PIP5K1C: variants seen among roughly 807,000 people sequenced by gnomAD.
PIP5K1C encodes phosphatidylinositol 4-phosphate 5-kinase type-1 gamma.
PIP5K1C carries 45 observed loss-of-function variants against 80.1 expected under a neutral mutation model. That is an observed-to-expected ratio of 0.56 (90% CI 0.44 to 0.72). PIP5K1C has a LOEUF of 0.72. Among genes scored for constraint, PIP5K1C ranks in the 30% least tolerant of loss-of-function variants. The pLI, the probability that PIP5K1C is intolerant of heterozygous loss-of-function variation, is 0.00. For missense variants in PIP5K1C, 753 were observed against 954.6 expected, an observed-to-expected ratio of 0.79 and a Z score of 2.78; for synonymous variants, 498 against 420.1, an observed-to-expected ratio of 1.19 and a Z score of -2.27.
chr19:3,683,198 G>A (rs1427283563), intron 1 of PIP5K1C, among the ~76,000 whole-genome samples: 1 of 152,080 alleles, frequency 6.6e-6, no homozygotes, highest in African/African-American at 2.4e-5. Flanking sequence ...CCATGAGCCC[G>A]GCCAGGGCAG....
At chr19:3,677,852 A>G (rs1211530132) in intron 1 of PIP5K1C, among the ~76,000 whole-genome samples, 41 of 11,308 alleles carry the variant, frequency 3.6e-3, no homozygotes, top group Admixed American at 6.7e-3. Flanking sequence ...GAGGGGTGGG[A>G]GAGGGATAGA....
At chr19:3,693,219 T>C (rs1043947446) in intron 1 of PIP5K1C, among the ~76,000 whole-genome samples, 1 of 152,180 alleles carries the variant, frequency 6.6e-6, no homozygotes, top group South Asian at 2.1e-4. Context: ...CCCGGAAACC[T>C]TCAGCAGCAG....
At position 3,643,527 on chromosome 19, in the gene PIP5K1C, G is replaced by A. The variant is rs1018582785; in HGVS notation, c.1511-146C>T. 1.0e-4 allele frequency: 93 copies of A among 930,836 alleles called. No individual in the cohort carries two copies. In the South Asian group the frequency reaches 1.3e-3, roughly 13 times the overall value. The allele number at this position is 930,836 out of a possible 1,614,324, so 57.7% of individuals were successfully genotyped here. A position where few individuals can be genotyped will look rare whatever the true frequency, so the allele number is the denominator to read the frequency against. ...ACACTCCCACCTCCCCACACGGCAG[G>A]GAAGGACGACGTTCCCCCTCACACA... On this transcript the variant is annotated intron_variant, in intron 12 of 17. Transcript: ENST00000335312.
At chr19:3,651,506 G>C (rs2034447994) in intron 8 of PIP5K1C, among the ~76,000 whole-genome samples, 1 of 152,222 alleles carries the variant, frequency 6.6e-6, no homozygotes, top group African/African-American at 2.4e-5. Flanking sequence ...GTGGCGTGTA[G>C]ACCCCTCTGA....
rs1397438035 is a variant in PIP5K1C at position 3,637,474 on chromosome 19, G to C, written c.1920+1410C>G. ...CTGAGCTTCCGGCCGGGGACCTGCG[G>C]CTCCCTGCTGCCCGAGGGGCACTGC... On this transcript the variant is annotated intron_variant, in intron 16 of 17. Transcript: ENST00000335312. This position sits in a 1 kb window ranked among gnomAD's most constrained non-coding sequence, Gnocchi z 7.0. 2 of 1,535,704 alleles carry C rather than the reference G, an allele frequency of 1.3e-6. No homozygotes were observed. Among genetic ancestry groups the C allele is most frequent in the South Asian group, 2.4e-5 (2 of 84,064 alleles).
chr19:3,700,355 A>G lies in PIP5K1C; in HGVS notation c.36T>C (p.Ala12=). 7.8e-7 allele frequency: 1 copy of G among 1,286,526 alleles called. No homozygotes were observed. The highest frequency in any genetic ancestry group is 1.0e-6 in the Non-Finnish European group (1 of 999,900). The allele number at this position is 1,286,526 out of a possible 1,614,324, so 79.7% of individuals were successfully genotyped here. The part of the protein sequence containing the change: ...ELEVPDEAES[A]EAGAVPSEAA... ...CCTCCGAGGGCACGGCCCCCGCCTCAGCGCTCTCCGCCTCGTCCGGTACCT... is the reference window on the plus strand; with the variant it reads ...CCTCCGAGGGCACGGCCCCCGCCTCGGCGCTCTCCGCCTCGTCCGGTACCT... Residue 12 remains alanine, a synonymous_variant, in exon 1 of 18, where the codon GCT becomes GCC. Transcript: ENST00000335312.
Position 3,692,416 on chromosome 19 carries a change from C to T in PIP5K1C, c.94+7881G>A, listed in dbSNP as rs954469783. Reference sequence around the variant, plus strand: ...CCCGGCGGCCCCCATGCTGCCCTTCCTGCATCCATCTTGGCTGAGGGCAGC... The same window carrying T: ...CCCGGCGGCCCCCATGCTGCCCTTCTTGCATCCATCTTGGCTGAGGGCAGC... On this transcript the variant is annotated intron_variant, in intron 1 of 17. Coordinates refer to ENST00000335312, the MANE Select transcript of PIP5K1C (RefSeq NM_012398.3). The surrounding 1 kb of genome is among the most constrained non-coding windows in gnomAD (Gnocchi z 5.2). 6.6e-6 allele frequency among the ~76,000 whole-genome samples: 1 copy of T among 152,202 alleles called. No homozygotes were observed. The highest frequency in any genetic ancestry group is 2.4e-5 in the African/African-American group (1 of 41,436).
In PIP5K1C at chr19:3,634,396, C is replaced by T. The variant is rs556615197; in HGVS notation, c.1921-876G>A. ...TTCCTTGTTGTGTCCTCCTCTCTCT[C>T]GGGCCTCTGTCACCAACCCAGCCTT... On this transcript the variant is annotated intron_variant, in intron 16 of 17. Coordinates refer to ENST00000335312, the MANE Select transcript of PIP5K1C (RefSeq NM_012398.3). Among the ~76,000 whole-genome samples, 47 of 152,120 alleles carry T rather than the reference C, an allele frequency of 3.1e-4. No individual in the cohort carries two copies. The Middle Eastern group carries it at 0.01, about 33-fold the overall frequency.
rs769080301 is a variant in PIP5K1C at position 3,667,311 on chromosome 19, C to T, written c.126+11G>A. 6 of 1,612,562 alleles carry T rather than the reference C, an allele frequency of 3.7e-6. No homozygotes were observed. Among genetic ancestry groups the T allele is most frequent in the Non-Finnish European group, 4.2e-6 (5 of 1,179,644 alleles). ...GGGACCCCAGGCCCTTCGTCCGCTC[C>T]AGACACTCACCTCTGTTGGGGCCGC... On this transcript the variant is annotated intron_variant, in intron 2 of 17. Coordinates refer to ENST00000335312, the MANE Select transcript of PIP5K1C (RefSeq NM_012398.3).
At chr19:3,662,551 G>A (rs1417355413) in intron 3 of PIP5K1C, among the ~76,000 whole-genome samples, 5 of 152,110 alleles carry the variant, frequency 3.3e-5, no homozygotes, top group Non-Finnish European at 5.9e-5. Flanking sequence ...CGTGGTGTCA[G>A]CTGCTGTTAT....
intron 1 of PIP5K1C, among the ~76,000 whole-genome samples, chr19:3,679,157 C>G (rs1283937195): frequency 6.6e-6 from 1 of 151,974 alleles, no homozygotes; most frequent in African/African-American, 2.4e-5. Context: ...GAGTCTTTAC[C>G]TTGGACACAG....
chr19:3,677,106 T>A (rs1428997288), intron 1 of PIP5K1C, among the ~76,000 whole-genome samples: 2 of 150,476 alleles, frequency 1.3e-5, no homozygotes, highest in Non-Finnish European at 3.0e-5. Context: ...TGTCTTAAAA[T>A]TAAAATAAAA....
At position 3,653,611 on chromosome 19, in the gene PIP5K1C, T is replaced by A. The variant is rs778275718; in HGVS notation, c.622-22A>T. On this transcript the variant is annotated intron_variant, in intron 6 of 17. Transcript: ENST00000335312. ...GGTTCTGCCGGGGGAAGAGGGCAAG[T>A]CGTGGAGGGCGGCTGGGCCACAGAC... The A allele has an allele frequency of 1.4e-4, 227 of 1,597,416 alleles. 1 individual carries two copies. Among genetic ancestry groups the A allele is most frequent in the Non-Finnish European group, 9.8e-5 (115 of 1,169,800 alleles).
At position 3,637,832 on chromosome 19, in the gene PIP5K1C, C is replaced by T. The variant is rs994548732; in HGVS notation, c.1920+1052G>A. The stretch of plus-strand genomic sequence containing the variant: ...GCCCACCTGGCAGGGCATCAGGACA[C>T]AGACACACAGCACGACATGGCCCCC... On this transcript the variant is annotated intron_variant, in intron 16 of 17. Transcript: ENST00000335312. The surrounding 1 kb of genome is among the most constrained non-coding windows in gnomAD (Gnocchi z 7.0). 3.9e-6 allele frequency: 6 copies of T among 1,535,258 alleles called. No individual in the cohort carries two copies. The highest frequency in any genetic ancestry group is 1.4e-5 in the African/African-American group (1 of 73,016).
chr19:3,683,662 A>C (rs2035658832), intron 1 of PIP5K1C, among the ~76,000 whole-genome samples: 1 of 152,158 alleles, frequency 6.6e-6, no homozygotes, highest in Admixed American at 6.5e-5. Flanking sequence ...TGATTCCAGG[A>C]TGTCAGGCCC....
intron 2 of PIP5K1C, among the ~76,000 whole-genome samples, chr19:3,666,932 C>CT (rs1057182556): frequency 1.5e-4 from 23 of 152,268 alleles, no homozygotes; most frequent in Non-Finnish European, 3.1e-4. Flanking sequence ...TGGGCAGCGT[C>CT]TAACCCTCCA....
chr19:3,630,617 C>G lies in PIP5K1C; in HGVS notation c.*2550G>C, dbSNP rs1243143986. 2.0e-5 allele frequency: 3 copies of G among 152,550 alleles called. No individual in the cohort carries two copies. The highest frequency in any genetic ancestry group is 4.4e-5 in the Non-Finnish European group (3 of 68,050). The allele number at this position is 152,550 out of a possible 1,614,324, so 9.4% of individuals were successfully genotyped here. ...TGGCAATGGGAGTATTGCACTGAGC[C>G]AGGTTTCGGGGGAACGGGGACGTGT... On this transcript the variant is annotated 3_prime_UTR_variant, in exon 18 of 18. Coordinates refer to ENST00000335312, the MANE Select transcript of PIP5K1C (RefSeq NM_012398.3).
intron 1 of PIP5K1C, among the ~76,000 whole-genome samples, chr19:3,675,295 G>A (rs1232838271): frequency 6.6e-6 from 1 of 152,164 alleles, no homozygotes; most frequent in African/African-American, 2.4e-5. Context: ...CCCTTTAGTT[G>A]CAAAAGCATT....
chr19:3,655,541 C>T (rs2034593909), intron 6 of PIP5K1C, among the ~76,000 whole-genome samples: 1 of 152,254 alleles, frequency 6.6e-6, no homozygotes, highest in Non-Finnish European at 1.5e-5. Flanking sequence ...TGGCCGCGCC[C>T]ATCCATTCTC....
Sources: gnomAD v4.1 joint callset for allele counts (sites outside exome capture counted in the v4.1 genomes callset) on GRCh38, gnomAD v4.1.1 for gene constraint, Gnocchi (gnomAD v3.1) non-coding constraint, MANE v1.5 for transcripts, NCBI Gene and HGNC (gene_info 2026-07-23, HGNC 2026-07-21) for gene names.